The following CILK1 variants were observed in gnomAD, a reference collection of about 807,000 sequenced individuals.
CILK1 encodes serine/threonine-protein kinase ICK.
CILK1 carries 47 observed loss-of-function variants against 79.2 expected under a neutral mutation model. The observed-to-expected ratio is 0.59, with a 90% CI of 0.47 to 0.76. CILK1 has a LOEUF of 0.76. Among genes scored for constraint, CILK1 ranks in the 30% least tolerant of loss-of-function variants. The pLI is 0.00. For missense variants in CILK1, 660 were observed against 769.5 expected (o/e 0.86, Z 1.68); for synonymous variants, 266 against 275.9 (o/e 0.96, Z 0.36).
intron 13 of CILK1, among the ~76,000 whole-genome samples, 153 bp downstream of exon 13, chr6:53,006,162 A>G (rs928116113): frequency 1.3e-5 from 2 of 152,144 alleles, no homozygotes; most frequent in Admixed American, 1.3e-4. Context: ...GACTTACTAT[A>G]TGTTATATAG....
intron 3 of CILK1, among the ~76,000 whole-genome samples, chr6:53,033,732 A>C (rs1766126577): frequency 6.6e-6 from 1 of 152,212 alleles, no homozygotes; most frequent in African/African-American, 2.4e-5. Flanking sequence ...GAAAGTGTTA[A>C]AACAAATATC....
chr6:53,043,501 C>G (rs1766849904), intron 1 of CILK1, among the ~76,000 whole-genome samples: 1 of 152,148 alleles, frequency 6.6e-6, no homozygotes, highest in African/African-American at 2.4e-5. Context: ...ACCCTCAGCT[C>G]ATTCCCTTTC....
Position 53,005,108 on chromosome 6 carries a change from C to G in CILK1, c.*41G>C. On this transcript the variant is annotated 3_prime_UTR_variant, in exon 14 of 14. Transcript: ENST00000676107. ...CACCAGTCAGCTGAGGGAAAGTATC[C>G]TGCTTCTCCCTAGGAAGAGATTCAT... The G allele has an allele frequency of 1.2e-6, 2 of 1,610,650 alleles. No homozygotes were observed. The highest frequency in any genetic ancestry group is 2.2e-5 in the South Asian group (2 of 90,976).
At chr6:53,032,833 T>C (rs1766059288) in intron 3 of CILK1, among the ~76,000 whole-genome samples, 179 bp from the exon 4 acceptor site, 1 of 152,250 alleles carries the variant, frequency 6.6e-6, no homozygotes, top group African/African-American at 2.4e-5. Context: ...ATAATAACTT[T>C]ACATAGAAAA....
chr6:53,052,473 C>T (rs550030266), intron 1 of CILK1, among the ~76,000 whole-genome samples: 27 of 152,204 alleles, frequency 1.8e-4, no homozygotes, highest in Non-Finnish European at 3.1e-4. Flanking sequence ...TGGCTCACAC[C>T]TGTAATCCCA....
chr6:53,058,364 T>G (rs1333984999), intron 1 of CILK1, among the ~76,000 whole-genome samples: 7 of 152,216 alleles, frequency 4.6e-5, no homozygotes, highest in Non-Finnish European at 1.0e-4. Context: ...CAACATTTCC[T>G]TAGCATTTTA....
intron 1 of CILK1, among the ~76,000 whole-genome samples, chr6:53,053,891 CT>C (rs1562048646): frequency 6.6e-6 from 1 of 151,994 alleles, no homozygotes; most frequent in African/African-American, 2.4e-5. Flanking sequence ...CTTGAGTTTA[CT>C]TTTGGTGGAA....
chr6:53,034,587 A>G (rs946996965), intron 3 of CILK1, among the ~76,000 whole-genome samples: 15 of 152,150 alleles, frequency 9.9e-5, no homozygotes, highest in Admixed American at 9.8e-4. Context: ...GATATTACCA[A>G]TGTTGTCCAC....
At chr6:53,015,528 C>T (rs1412492255) in intron 8 of CILK1, among the ~76,000 whole-genome samples, 1 of 152,180 alleles carries the variant, frequency 6.6e-6, no homozygotes, top group Non-Finnish European at 1.5e-5. Context: ...TTTTCTCACT[C>T]ACAGAATTGA....
chr6:53,053,446 T>C (rs1767629775), intron 1 of CILK1, among the ~76,000 whole-genome samples: 1 of 152,248 alleles, frequency 6.6e-6, no homozygotes, highest in Non-Finnish European at 1.5e-5. Context: ...AGTACTATTA[T>C]AAGTGCTTAT....
chr6:53,031,702 A>G (rs889823699), intron 4 of CILK1, among the ~76,000 whole-genome samples: 4 of 152,252 alleles, frequency 2.6e-5, no homozygotes, highest in Admixed American at 2.0e-4. Context: ...AAATAAACCT[A>G]GAACTTTTCA....
intron 2 of CILK1, among the ~76,000 whole-genome samples, chr6:53,038,641 A>G (rs901138677): frequency 3.9e-5 from 6 of 152,190 alleles, no homozygotes; most frequent in African/African-American, 1.4e-4. Context: ...ATATTTCACA[A>G]TGTGAAAATT....
At chr6:53,007,373 G>T (rs867150835) in intron 12 of CILK1, among the ~76,000 whole-genome samples, 2 of 152,160 alleles carry the variant, frequency 1.3e-5, no homozygotes, top group African/African-American at 2.4e-5. Context: ...AAAATGGGAA[G>T]AGAATTTGAA....
rs531179260 is a variant in CILK1, at chr6:53,018,860, T to C, written c.492-359A>G. ...ACCTACAACTTGTGTGTAGACTACT[T>C]GGTCATGGCAAACTGCTTAAATCAA... On this transcript the variant is annotated intron_variant, in intron 6 of 13. Coordinates refer to ENST00000676107, the MANE Select transcript of CILK1 (RefSeq NM_014920.5). 2.6e-5 allele frequency among the ~76,000 whole-genome samples: 4 copies of C among 152,248 alleles called. No individual in the cohort carries two copies. In the East Asian group the frequency reaches 5.8e-4, roughly 22 times the overall value.
chr6:53,006,704 A>T (rs1764243075), intron 12 of CILK1, among the ~76,000 whole-genome samples: 1 of 152,206 alleles, frequency 6.6e-6, no homozygotes, highest in South Asian at 2.1e-4. Context: ...AAAAAGGGAA[A>T]TATGACATTT....
chr6:53,023,294 A>G (rs540739397), intron 5 of CILK1, among the ~76,000 whole-genome samples: 11 of 152,282 alleles, frequency 7.2e-5, no homozygotes, highest in African/African-American at 2.4e-4. Flanking sequence ...TATATTTCTT[A>G]TGAATGCCTG....
intron 2 of CILK1, among the ~76,000 whole-genome samples, chr6:53,040,208 C>G (rs1766609613): frequency 6.6e-6 from 1 of 152,128 alleles, no homozygotes; most frequent in Admixed American, 6.5e-5. Context: ...CTACCCAGGG[C>G]CTTTTAGAAC....
At chr6:53,035,986 T>C (rs1581733062) in intron 3 of CILK1, among the ~76,000 whole-genome samples, 1 of 152,062 alleles carries the variant, frequency 6.6e-6, no homozygotes, top group African/African-American at 2.4e-5. Context: ...AGGATCCCAG[T>C]TGGCAGCCGA....
chr6:53,030,878 A>G (rs917767258), intron 5 of CILK1, among the ~76,000 whole-genome samples, 187 bp downstream of exon 5: 6 of 152,266 alleles, frequency 3.9e-5, no homozygotes, highest in African/African-American at 1.4e-4. Flanking sequence ...TGCAGACACA[A>G]TAAGTAATGA....
Sources: gnomAD v4.1 joint callset for allele counts (sites outside exome capture counted in the v4.1 genomes callset) on GRCh38, gnomAD v4.1.1 for gene constraint, MANE v1.5 for transcripts, NCBI Gene and HGNC (gene_info 2026-07-23, HGNC 2026-07-21) for gene names.